PRAMEF20: variants seen among roughly 807,000 people sequenced by gnomAD.
The protein encoded by PRAMEF20 is PRAME family member 20/21.
Under a neutral mutation model 32.4 loss-of-function variants are expected in PRAMEF20, and 27 were observed. That is an observed-to-expected ratio of 0.83 (90% CI 0.61 to 1.15). The LOEUF is 1.15. PRAMEF20 is among the 50% of genes most tolerant of loss of function. The pLI is 0.00. For missense variants in PRAMEF20, 604 were observed against 584.5 expected (o/e 1.03, Z -0.34); for synonymous variants, 256 against 235.4 (o/e 1.09, Z -0.80).
At chr1:13,419,430 T>C (rs1641218364) in intron 2 of PRAMEF20, among the ~76,000 whole-genome samples, 2 of 152,094 alleles carry the variant, frequency 1.3e-5, no homozygotes, top group South Asian at 4.2e-4. Context: ...ATTATAGGCG[T>C]GAGCCACCAC....
rs569152318 is a variant in PRAMEF20, at chr1:13,417,866, C to G, written c.288-256C>G. Among the ~76,000 whole-genome samples the G allele has an allele frequency of 8.7e-5, 13 of 149,550 alleles. No individual in the cohort carries two copies. In the South Asian group the frequency reaches 1.3e-3, roughly 15 times the overall value. On this transcript the variant is annotated intron_variant, in intron 1 of 2. Coordinates refer to ENST00000602960, the Ensembl canonical transcript of PRAMEF20. Reference sequence around the variant, plus strand: ...ACATTATTCTCCTGCCTCAGCCTCCCGAGTAGCTGGGACTACAGGCGCCCG... The same window carrying G: ...ACATTATTCTCCTGCCTCAGCCTCCGGAGTAGCTGGGACTACAGGCGCCCG...
chr1:13,416,714 TGAG>T (rs1293670440), intron 1 of PRAMEF20, 73 bp downstream of exon 2: 3 of 1,610,834 alleles, frequency 1.9e-6, no homozygotes, highest in Non-Finnish European at 2.5e-6. Context: ...TCATGAGGAG[TGAG>T]GAGGTCCAAG....
the PRAMEF20 span, among the ~76,000 whole-genome samples, chr1:13,411,238 A>G: frequency 1.3e-5 from 2 of 152,232 alleles, no homozygotes; most frequent in African/African-American, 2.4e-5. Flanking sequence ...CTGAGGTGGG[A>G]GAATCCCTTG....
intron 2 of PRAMEF20, among the ~76,000 whole-genome samples, chr1:13,419,404 C>T (rs1641218159): frequency 6.6e-6 from 1 of 152,014 alleles, no homozygotes; most frequent in Admixed American, 6.6e-5. Flanking sequence ...CCACTTCGGC[C>T]TCCCAAAGTG....
exon 1 of PRAMEF20, chr1:13,416,417 G>C (rs200622706): frequency 1.3e-5 from 21 of 1,613,790 alleles, no homozygotes; most frequent in Non-Finnish European, 1.8e-5. Context: ...TGAGGGACGA[G>C]GCCTTGGCCA....
chr1:13,421,057 G>A, exon 3 of PRAMEF20: 1 of 1,613,928 alleles, frequency 6.2e-7, no homozygotes. Flanking sequence ...ACTTATGCCT[G>A]GAGCTGTATC....
chr1:13,412,228 G>C (rs1274100809), upstream of PRAMEF20, among the ~76,000 whole-genome samples: 3 of 151,812 alleles, frequency 2.0e-5, no homozygotes, highest in Non-Finnish European at 1.5e-5. Context: ...GTGTTGCCCA[G>C]GCTGGTCTCC....
chr1:13,416,217 G>T (rs951190657), upstream of PRAMEF20: 56 of 1,499,780 alleles, frequency 3.7e-5, 1 homozygote, highest in Non-Finnish European at 4.9e-5. Context: ...AGTAGAATTG[G>T]AGTAAACTGA....
At chr1:13,413,160 T>G (rs1411325854), upstream of PRAMEF20, among the ~76,000 whole-genome samples, 1 of 152,182 alleles carries the variant, frequency 6.6e-6, no homozygotes, top group Non-Finnish European at 1.5e-5. Flanking sequence ...CACTCAGGAC[T>G]AGGAAGGACA....
At chr1:13,412,065 T>TA (rs1641120183), upstream of PRAMEF20, among the ~76,000 whole-genome samples, 1 of 151,650 alleles carries the variant, frequency 6.6e-6, no homozygotes. Context: ...TTAATTAATT[T>TA]ATTTATTTAT....
chr1:13,416,759 A>G, intron 1 of PRAMEF20, 118 bp downstream of exon 2: 2 of 1,574,802 alleles, frequency 1.3e-6, no homozygotes, highest in Non-Finnish European at 1.7e-6. Flanking sequence ...GGTTTTGGTG[A>G]GGAAGCTTAG....
intron 1 of PRAMEF20, among the ~76,000 whole-genome samples, chr1:13,416,866 A>G (rs1641181247): frequency 6.6e-6 from 1 of 152,200 alleles, no homozygotes. Context: ...TGGCACTGAA[A>G]GGCACCACTA....
At chr1:13,417,907 A>C (rs1641196630) in intron 1 of PRAMEF20, among the ~76,000 whole-genome samples, 1 of 44,140 alleles carries the variant, frequency 2.3e-5, no homozygotes, top group Admixed American at 3.3e-4. Context: ...ACGCCCGGCT[A>C]ATTTGTGTGT....
chr1:13,420,835 C>T (rs1228418899), exon 3 of PRAMEF20: 5 of 1,613,976 alleles, frequency 3.1e-6, no homozygotes, highest in East Asian at 4.5e-5. Context: ...TGGCCAATTT[C>T]AGCCTTGTGC....
chr1:13,420,886 G>A, exon 3 of PRAMEF20: 1 of 1,613,856 alleles, frequency 6.2e-7, no homozygotes, highest in Non-Finnish European at 8.5e-7. Flanking sequence ...CCACCCTTGA[G>A]TACCTGGACT....
At chr1:13,416,402 CCTG>C in exon 1 of PRAMEF20, 2 of 1,613,652 alleles carry the variant, frequency 1.2e-6, no homozygotes, top group Admixed American at 3.3e-5. Context: ...CGGGGCGGAG[CCTG>C]CTGAGGGACG....
upstream of PRAMEF20, among the ~76,000 whole-genome samples, chr1:13,412,218 G>A (rs940510840): frequency 1.3e-4 from 20 of 151,920 alleles, no homozygotes; most frequent in East Asian, 1.7e-3. Flanking sequence ...GGAGTTCATC[G>A]TGTTGCCCAG....
At chr1:13,416,363 C>T in exon 1 of PRAMEF20, 1 of 1,612,742 alleles carries the variant, frequency 6.2e-7, no homozygotes, top group East Asian at 2.2e-5. Flanking sequence ...AGATGAGCAT[C>T]CGGACTCCAC....
At chr1:13,418,016 C>T (rs1157781642) in intron 1 of PRAMEF20, 106 bp from the exon 3 acceptor site, 37 of 1,580,320 alleles carry the variant, frequency 2.3e-5, no homozygotes, top group Middle Eastern at 4.7e-4. Context: ...CCTTGTGATC[C>T]GCCCGCCTTG....
Sources: gnomAD v4.1 joint callset for allele counts (sites outside exome capture counted in the v4.1 genomes callset) on GRCh38, gnomAD v4.1.1 for gene constraint, MANE v1.5 for transcripts, NCBI Gene and HGNC (gene_info 2026-07-23, HGNC 2026-07-21) for gene names.